CST8: variants seen among roughly 807,000 people sequenced by gnomAD.
CST8 encodes cystatin-8.
Under a neutral mutation model 11.8 loss-of-function variants are expected in CST8, and 20 were observed. The observed-to-expected ratio is 1.70, with a 90% CI of 1.20 to 2.47. The LOEUF (loss-of-function observed/expected upper bound fraction) is 2.47. Ranked by LOEUF, CST8 falls within the 30% of genes most tolerant of loss-of-function variation. The probability of loss-of-function intolerance (pLI) is 0.00; values close to 1 mark genes in which losing one functional copy is unlikely to be tolerated. For synonymous variants in CST8, 77 were observed against 63.1 expected, an observed-to-expected ratio of 1.22 and a Z score of -1.05; for missense variants, 196 against 167.2, an observed-to-expected ratio of 1.17 and a Z score of -0.95.
intron 3 of CST8, among the ~76,000 whole-genome samples, chr20:23,493,964 C>A (rs1205406696): frequency 6.6e-6 from 1 of 152,158 alleles, no homozygotes; most frequent in African/African-American, 2.4e-5. Flanking sequence ...GCTGCTGCTG[C>A]TGGCCTTAGG....
At chr20:23,502,319 G>T in the CST8 span, among the ~76,000 whole-genome samples, 1 of 152,188 alleles carries the variant, frequency 6.6e-6, no homozygotes, top group Admixed American at 6.5e-5. Flanking sequence ...AAAGAAAGGG[G>T]AAAGCATGGT....
intron 3 of CST8, 141 bp from the exon 4 acceptor site, chr20:23,495,690 C>T: frequency 1.5e-6 from 1 of 650,450 alleles, no homozygotes; most frequent in South Asian, 1.8e-5. Flanking sequence ...TCTGCAGATT[C>T]CTGGGAGCTC....
At chr20:23,500,718 C>T (rs532107089), downstream of CST8, among the ~76,000 whole-genome samples, 33 of 148,894 alleles carry the variant, frequency 2.2e-4, no homozygotes, top group East Asian at 6.4e-3. Context: ...AATCAGTGCC[C>T]TCCGCTGATT....
chr20:23,498,377 C>T (rs890639990), downstream of CST8, among the ~76,000 whole-genome samples: 13 of 152,106 alleles, frequency 8.5e-5, no homozygotes, highest in Non-Finnish European at 1.5e-5. Context: ...TCTCCAATGT[C>T]CATTAGGAGA....
At chr20:23,492,604 G>A (rs1987922285) in intron 2 of CST8, among the ~76,000 whole-genome samples, 1 of 152,232 alleles carries the variant, frequency 6.6e-6, no homozygotes. Flanking sequence ...GCCCAGGAGA[G>A]CTGATGGTTC....
the CST8 span, among the ~76,000 whole-genome samples, chr20:23,505,663 A>G: frequency 6.6e-6 from 1 of 152,172 alleles, no homozygotes; most frequent in African/African-American, 2.4e-5. Context: ...TCCCTGAGGA[A>G]CGCCCTTACT....
At chr20:23,496,607 G>T (rs997345840), downstream of CST8, among the ~76,000 whole-genome samples, 1 of 152,178 alleles carries the variant, frequency 6.6e-6, no homozygotes, top group Non-Finnish European at 1.5e-5. Flanking sequence ...AGGAGACAGG[G>T]TTTGAGAGCA....
downstream of CST8, among the ~76,000 whole-genome samples, chr20:23,500,005 G>GGA (rs141161423): frequency 6.6e-6 from 1 of 151,110 alleles, no homozygotes; most frequent in East Asian, 1.9e-4. Flanking sequence ...AGGGTAGGAG[G>GGA]GAGAGAGAGA....
chr20:23,496,564 T>G (rs1988052667), downstream of CST8, among the ~76,000 whole-genome samples: 1 of 152,176 alleles, frequency 6.6e-6, no homozygotes, highest in Non-Finnish European at 1.5e-5. Flanking sequence ...TAATGAAGTT[T>G]CAGGCACGCA....
chr20:23,506,478 T>C, the CST8 span, among the ~76,000 whole-genome samples: 1 of 152,210 alleles, frequency 6.6e-6, no homozygotes, highest in East Asian at 1.9e-4. Context: ...TCCATGGTTA[T>C]AGGATTTTAG....
rs1281232317 is a variant in CST8 at position 23,495,782 on chromosome 20, T to C, written c.346-49T>C. ...GACAATTGTTTTTCTTTTCTTTTTT[T>C]TTTTTTTTTTGGCACTCTACTAATT... On this transcript the variant is annotated intron_variant, in intron 3 of 3. Coordinates refer to ENST00000246012, the MANE Select transcript of CST8 (RefSeq NM_005492.4). 9 of 1,281,184 alleles carry C rather than the reference T, an allele frequency of 7.0e-6. No individual in the cohort carries two copies. In the East Asian group the frequency reaches 7.4e-5, roughly 11 times the overall value. 79.4% of individuals were successfully genotyped at this position (1,281,184 alleles called of 1,614,324 possible). A position where few individuals can be genotyped will look rare whatever the true frequency, so the allele number is the denominator to read the frequency against.
the CST8 span, among the ~76,000 whole-genome samples, chr20:23,506,884 C>T: frequency 4.3e-5 from 3 of 69,478 alleles, no homozygotes; most frequent in African/African-American, 9.0e-5. Context: ...AGTTCTCCTC[C>T]CCCTGCCCCG....
At chr20:23,495,766 T>G in intron 3 of CST8, 65 bp from the exon 4 acceptor site, 4 of 1,192,380 alleles carry the variant, frequency 3.4e-6, no homozygotes, top group Non-Finnish European at 4.8e-6. Context: ...GGACAATTGT[T>G]TTTCTTTTCT....
At chr20:23,495,795 C>A in intron 3 of CST8, 36 bp from the exon 4 acceptor site, 1 of 1,152,884 alleles carries the variant, frequency 8.7e-7, no homozygotes, top group East Asian at 2.6e-5. Context: ...TTTTTTTTGG[C>A]ACTCTACTAA....
the CST8 span, among the ~76,000 whole-genome samples, chr20:23,505,126 G>A: frequency 6.7e-6 from 1 of 150,276 alleles, no homozygotes; most frequent in Non-Finnish European, 1.5e-5. Context: ...AGATCCCACA[G>A]GCAAGAAGCA....
At chr20:23,498,446 C>T (rs1000196691), downstream of CST8, among the ~76,000 whole-genome samples, 3 of 152,196 alleles carry the variant, frequency 2.0e-5, no homozygotes, top group Non-Finnish European at 2.9e-5. Context: ...AGTATTTCTG[C>T]CCCCAACAGG....
Position 23,495,995 on chromosome 20 carries a change from C to A in CST8, c.*81C>A. The A allele has an allele frequency of 1.8e-6, 2 of 1,109,812 alleles. No individual in the cohort carries two copies. The highest frequency in any genetic ancestry group is 1.4e-5 in the South Asian group (1 of 73,422). 68.7% of individuals were successfully genotyped at this position (1,109,812 alleles called of 1,614,324 possible). ...GCAATGGCAGGTGGGAGGCTCTTCC[C>A]AATGTGCTTTCTTCATGCATGCCTC... is the stretch of plus-strand genomic sequence containing the variant. On this transcript the variant is annotated 3_prime_UTR_variant, in exon 4 of 4. Transcript: ENST00000246012.
intron 2 of CST8, 141 bp downstream of exon 2, chr20:23,492,039 C>G: frequency 1.5e-6 from 1 of 658,040 alleles, no homozygotes; most frequent in Non-Finnish European, 2.6e-6. Context: ...GACACTTCCA[C>G]AGCATCAATA....
chr20:23,492,550 G>A (rs1172145366), intron 2 of CST8, among the ~76,000 whole-genome samples: 1 of 152,216 alleles, frequency 6.6e-6, no homozygotes, highest in Non-Finnish European at 1.5e-5. Flanking sequence ...TGTGGCTGAG[G>A]GGGCTGTCCC....
Sources: allele counts gnomAD v4.1 joint callset (sites outside exome capture counted in the v4.1 genomes callset), GRCh38; gene constraint gnomAD v4.1.1; transcripts MANE v1.5; gene names NCBI Gene and HGNC (gene_info 2026-07-23, HGNC 2026-07-21).